VAV1: variants seen among roughly 807,000 people sequenced by gnomAD.
The protein encoded by VAV1 is vav guanine nucleotide exchange factor 1.
VAV1 carries 33 observed loss-of-function variants against 128.1 expected under a neutral mutation model. The observed-to-expected ratio is 0.26, with a 90% CI of 0.20 to 0.34. The LOEUF is 0.34. Ranked by LOEUF, VAV1 falls within the 10% of genes least tolerant of loss-of-function variation. The pLI, the probability that VAV1 is intolerant of heterozygous loss-of-function variation, is 1.00. For missense variants in VAV1, 715 were observed against 1,093.7 expected (o/e 0.65, Z 4.88); for synonymous variants, 394 against 409.8 (o/e 0.96, Z 0.47).
chr19:6,836,590 G>A (rs769356900), intron 20 of VAV1, 22 bp downstream of exon 20: 3 of 1,613,214 alleles, frequency 1.9e-6, no homozygotes, highest in East Asian at 2.2e-5. Flanking sequence ...GGCCACAAGA[G>A]TGATGGGGTG....
chr19:6,805,583 T>TACACACACACACACACACACACACAC (rs55732746), intron 1 of VAV1, among the ~76,000 whole-genome samples: 1 of 139,094 alleles, frequency 7.2e-6, no homozygotes, highest in Non-Finnish European at 1.5e-5. Context: ...TTTCTACAGA[T>TACACACACACACACACACACACACAC]ACACACACAC....
At chr19:6,852,751 G>T (rs1279921091) in intron 24 of VAV1, among the ~76,000 whole-genome samples, 1 of 151,606 alleles carries the variant, frequency 6.6e-6, no homozygotes, top group Non-Finnish European at 1.5e-5. Context: ...GAAAGAACCT[G>T]TTTTAGGCAG....
chr19:6,836,141 T>C, intron 19 of VAV1: 1 of 259,182 alleles, frequency 3.9e-6, no homozygotes, highest in Non-Finnish European at 7.6e-6. Context: ...CCCAAAGTGC[T>C]GGGATTACAG....
At chr19:6,780,144 A>ATAATAC (rs1970739170) in intron 1 of VAV1, among the ~76,000 whole-genome samples, 1 of 145,630 alleles carries the variant, frequency 6.9e-6, no homozygotes, top group African/African-American at 2.5e-5. Flanking sequence ...AATAATAATA[A>ATAATAC]TAATAATAAT....
intron 1 of VAV1, among the ~76,000 whole-genome samples, chr19:6,792,796 G>A (rs1443137995): frequency 1.3e-5 from 2 of 152,102 alleles, no homozygotes; most frequent in Non-Finnish European, 2.9e-5. Flanking sequence ...ATTTGGCAAT[G>A]CCTGGAGACA....
chr19:6,806,666 TTGCACTCTC>T (rs1226849381), intron 1 of VAV1, among the ~76,000 whole-genome samples: 2 of 152,152 alleles, frequency 1.3e-5, no homozygotes, highest in Non-Finnish European at 2.9e-5. Context: ...GATCCGGGAT[TTGCACTCTC>T]TCATTGGTCT....
chr19:6,804,107 T>G (rs1312283324), intron 1 of VAV1, among the ~76,000 whole-genome samples: 2 of 151,974 alleles, frequency 1.3e-5, no homozygotes, highest in East Asian at 3.9e-4. Context: ...CATGGAAGCT[T>G]TCCACGGCAG....
At chr19:6,832,631 CCTCCTCCCT>C (rs1202445473) in intron 15 of VAV1, among the ~76,000 whole-genome samples, 4 of 143,914 alleles carry the variant, frequency 2.8e-5, no homozygotes, top group Non-Finnish European at 6.0e-5. Context: ...TCTTCTTCCT[CCTCCTCCCT>C]TTCCTCCCCT....
intron 1 of VAV1, among the ~76,000 whole-genome samples, chr19:6,785,665 T>C (rs201920803): frequency 3.4e-4 from 37 of 107,272 alleles, no homozygotes; most frequent in Admixed American, 8.7e-4. Flanking sequence ...TTCTTTCTTT[T>C]TTTTTTTTTT....
chr19:6,804,818 C>T (rs554820649), intron 1 of VAV1, among the ~76,000 whole-genome samples: 3 of 150,760 alleles, frequency 2.0e-5, no homozygotes, highest in Non-Finnish European at 3.0e-5. Flanking sequence ...CTGCCTCCCA[C>T]GTTCACGCCA....
chr19:6,853,021 C>T lies in VAV1; in HGVS notation c.2274C>T (p.Asp758=). The change falls in exon 25 of 27, where the codon GAC becomes GAT. Residue 758 remains aspartate (D), a synonymous_variant. Transcript: ENST00000602142. The part of the protein sequence containing the change: ...NSLKDCFKSL[D]TTLQFPFKEP... Reference sequence around the variant, plus strand: ...TAAAGGATTGCTTCAAGTCTCTGGACACCACCTTGCAGTTCCCCTTCAAGG... The same window carrying T: ...TAAAGGATTGCTTCAAGTCTCTGGATACCACCTTGCAGTTCCCCTTCAAGG... 6.2e-7 allele frequency: 1 copy of T among 1,612,006 alleles called. No individual in the cohort carries two copies.
chr19:6,799,580 C>A (rs540465832), intron 1 of VAV1, among the ~76,000 whole-genome samples: 1 of 152,242 alleles, frequency 6.6e-6, no homozygotes, highest in South Asian at 2.1e-4. Flanking sequence ...TTAGGTATTT[C>A]TCCGAATGCT....
At chr19:6,843,319 G>A (rs1158310864) in intron 22 of VAV1, among the ~76,000 whole-genome samples, 153 bp downstream of exon 22, 1 of 152,084 alleles carries the variant, frequency 6.6e-6, no homozygotes, top group Non-Finnish European at 1.5e-5. Flanking sequence ...GGGCTGCTGG[G>A]GATGGGACAG....
intron 1 of VAV1, among the ~76,000 whole-genome samples, chr19:6,800,691 G>A (rs1265151376): frequency 1.3e-5 from 2 of 151,304 alleles, no homozygotes; most frequent in Admixed American, 6.6e-5. Context: ...GCGTGATCTC[G>A]GCTCACTGCC....
intron 1 of VAV1, among the ~76,000 whole-genome samples, chr19:6,779,575 G>A (rs971706116): frequency 6.6e-6 from 1 of 150,476 alleles, no homozygotes; most frequent in African/African-American, 2.4e-5. Context: ...CCAGGGAGGG[G>A]CCTGGCTGGA....
At chr19:6,782,449 C>T (rs1970787533) in intron 1 of VAV1, among the ~76,000 whole-genome samples, 1 of 151,896 alleles carries the variant, frequency 6.6e-6, no homozygotes, top group African/African-American at 2.4e-5. Flanking sequence ...AATGAAATTC[C>T]CAGCATGGCA....
intron 22 of VAV1, among the ~76,000 whole-genome samples, chr19:6,843,594 C>T (rs1456737575): frequency 2.0e-5 from 3 of 152,104 alleles, no homozygotes; most frequent in East Asian, 3.8e-4. Flanking sequence ...CCCAACCTTA[C>T]CTAGCTGTAT....
chr19:6,791,702 T>C (rs1380869549), intron 1 of VAV1, among the ~76,000 whole-genome samples: 1 of 151,990 alleles, frequency 6.6e-6, no homozygotes, highest in African/African-American at 2.4e-5. Context: ...AGTAAACAAA[T>C]AGACAAAACG....
At position 6,790,174 on chromosome 19, in the gene VAV1, T is replaced by A. The variant is rs541747775; in HGVS notation, c.204+17163T>A. 6.5e-3 allele frequency among the ~76,000 whole-genome samples: 925 copies of A among 142,362 alleles called. 4 individuals are homozygous for A. The highest frequency in any genetic ancestry group is 9.1e-3 in the Admixed American group (133 of 14,620). 93.4% of individuals were successfully genotyped at this position (142,362 alleles called of 152,430 possible). ...GCCTGGGTGAGAGAGTGAGACTCTG[T>A]CTCAAAAATAAAATAAAATAAAATA... is the stretch of plus-strand genomic sequence containing the variant. On this transcript the variant is annotated intron_variant, in intron 1 of 26. Transcript: ENST00000602142.
Sources: allele counts gnomAD v4.1 joint callset (sites outside exome capture counted in the v4.1 genomes callset), GRCh38; gene constraint gnomAD v4.1.1; transcripts MANE v1.5; gene names NCBI Gene and HGNC (gene_info 2026-07-23, HGNC 2026-07-21).